EEF1G: variants seen among roughly 807,000 people sequenced by gnomAD.
EEF1G encodes elongation factor 1-gamma.
In EEF1G, 14 loss-of-function variants were observed where a neutral mutation model predicts 58.3. The ratio of observed to expected loss-of-function variants is 0.24; its 90% confidence interval spans 0.16 to 0.38. The LOEUF (loss-of-function observed/expected upper bound fraction) is 0.38, where lower values mean the gene tolerates loss of function less well. Ranked by LOEUF, EEF1G falls within the 10% of genes least tolerant of loss-of-function variation. The pLI is 1.00. For synonymous variants in EEF1G, 180 were observed against 206.8 expected, an observed-to-expected ratio of 0.87 and a Z score of 1.11; for missense variants, 322 against 550.1, an observed-to-expected ratio of 0.59 and a Z score of 4.15.
intron 7 of EEF1G, among the ~76,000 whole-genome samples, chr11:62,563,304 T>G (rs1267799768): frequency 1.3e-5 from 2 of 151,914 alleles, no homozygotes; most frequent in African/African-American, 4.8e-5. Context: ...TTTTTTGTAC[T>G]TTTTGTATTT....
In EEF1G at chr11:62,564,333, C is replaced by T. The variant is rs1436496218; in HGVS notation, c.857+2473G>A. ...CAAAAATTAGCCAGGCATGGTGGCA[C>T]GCACCTGCAATCCCCAGCTACTCGG... On this transcript the variant is annotated intron_variant, in intron 7 of 9. Transcript: ENST00000329251. Among the ~76,000 whole-genome samples the T allele has an allele frequency of 1.4e-4, 19 of 136,720 alleles. 1 individual carries two copies. Among genetic ancestry groups the T allele is most frequent in the Middle Eastern group, 3.5e-3 (1 of 286 alleles). 89.7% of individuals were successfully genotyped at this position (136,720 alleles called of 152,430 possible). A position where few individuals can be genotyped will look rare whatever the true frequency, so the allele number is the denominator to read the frequency against.
intron 5 of EEF1G, among the ~76,000 whole-genome samples, chr11:62,567,879 C>T (rs1292981281): frequency 6.6e-6 from 1 of 151,736 alleles, no homozygotes; most frequent in Non-Finnish European, 1.5e-5. Context: ...GCCACCACAC[C>T]CAGCTAATTT....
intron 7 of EEF1G, among the ~76,000 whole-genome samples, chr11:62,562,611 A>G (rs1057027478): frequency 1.3e-5 from 2 of 151,896 alleles, no homozygotes; most frequent in African/African-American, 4.8e-5. Context: ...CCTCCCAAGT[A>G]GTGGGATTAC....
chr11:62,564,084 A>G (rs1941528911), intron 7 of EEF1G, among the ~76,000 whole-genome samples: 1 of 152,212 alleles, frequency 6.6e-6, no homozygotes, highest in East Asian at 1.9e-4. Flanking sequence ...ACTGCAGTTG[A>G]CCTAGCTGGG....
chr11:62,570,336 A>G (rs1045511407), intron 5 of EEF1G, among the ~76,000 whole-genome samples: 7 of 152,114 alleles, frequency 4.6e-5, no homozygotes, highest in Non-Finnish European at 1.0e-4. Context: ...TGCTGGGATT[A>G]TAGGTGTTAG....
intron 5 of EEF1G, among the ~76,000 whole-genome samples, chr11:62,568,687 C>A (rs921168890): frequency 6.6e-6 from 1 of 151,896 alleles, no homozygotes; most frequent in Non-Finnish European, 1.5e-5. Context: ...AAATTTCAAA[C>A]GTCGGCCAGG....
chr11:62,570,248 G>C (rs1326528984), intron 5 of EEF1G, among the ~76,000 whole-genome samples: 1 of 152,002 alleles, frequency 6.6e-6, no homozygotes, highest in Non-Finnish European at 1.5e-5. Flanking sequence ...TTTTAATAGA[G>C]ACAGGGTTTC....
rs529293193 is a variant in EEF1G at position 62,565,853 on chromosome 11, C to T, written c.857+953G>A. On this transcript the variant is annotated intron_variant, in intron 7 of 9. Transcript: ENST00000329251. ...AGTGCAATGCTTGTAATTCACAATT[C>T]TATGCACAGCTACTGTGTCCCTACC... is the stretch of plus-strand genomic sequence containing the variant. 3.9e-5 allele frequency among the ~76,000 whole-genome samples: 6 copies of T among 152,300 alleles called. No individual in the cohort carries two copies. In the East Asian group the frequency reaches 1.2e-3, roughly 29 times the overall value.
At chr11:62,567,322 C>T in intron 6 of EEF1G, 77 bp downstream of exon 6, 1 of 1,507,498 alleles carries the variant, frequency 6.6e-7, no homozygotes. Flanking sequence ...AAAAGCAAGA[C>T]AGGAAATCAA....
chr11:62,567,616 C>T (rs1941572316), intron 5 of EEF1G, 88 bp from the exon 6 acceptor site: 2 of 1,326,898 alleles, frequency 1.5e-6, no homozygotes, highest in African/African-American at 3.0e-5. Context: ...TACCTAAGTC[C>T]CAGTGCTCAC....
At chr11:62,569,766 C>G (rs1941604344) in intron 5 of EEF1G, among the ~76,000 whole-genome samples, 1 of 152,184 alleles carries the variant, frequency 6.6e-6, no homozygotes, top group Non-Finnish European at 1.5e-5. Flanking sequence ...CTAAGATGAT[C>G]CCCATGAGGC....
In EEF1G at chr11:62,567,404, A is replaced by G; in HGVS notation, c.647T>C (p.Phe216Ser). ...EVKLCEKMAQ[F>S]DAKKFAETQP... Reference sequence around the variant, plus strand: ...CCCAGTCTCCTCAGACTCACCATCAAACTGGGCCATCTTCTCACACAGTTT... The same window carrying G: ...CCCAGTCTCCTCAGACTCACCATCAGACTGGGCCATCTTCTCACACAGTTT... The change falls in exon 6 of 10, where the codon TTT (phenylalanine) becomes TCT (serine). Residue 216 changes from phenylalanine to serine, a missense_variant. Phe to Ser is a radical substitution (Grantham distance 155). Transcript: ENST00000329251. 1 of 1,611,378 alleles carries G rather than the reference A, an allele frequency of 6.2e-7. No homozygotes were observed. The highest frequency in any genetic ancestry group is 8.5e-7 in the Non-Finnish European group (1 of 1,178,618).
chr11:62,563,418 G>A (rs1342202021), intron 7 of EEF1G, among the ~76,000 whole-genome samples: 1 of 152,148 alleles, frequency 6.6e-6, no homozygotes, highest in Non-Finnish European at 1.5e-5. Flanking sequence ...TCACAGGCGT[G>A]AGCCACCGCG....
chr11:62,571,777 T>G, intron 3 of EEF1G, 61 bp downstream of exon 3: 1 of 1,564,676 alleles, frequency 6.4e-7, no homozygotes, highest in Non-Finnish European at 8.7e-7. Flanking sequence ...CCGCTCACAC[T>G]TATCCTCTCC....
In EEF1G at chr11:62,573,822, C is replaced by T; in HGVS notation, c.12+9G>A. ...GGATGACCCGAACCACCAGAGCCAG[C>T]AAACTTACCCCAGCCGCCATGGTGA... On this transcript the variant is annotated intron_variant, in intron 1 of 9. Coordinates refer to ENST00000329251, the MANE Select transcript of EEF1G (RefSeq NM_001404.5). 6.2e-7 allele frequency: 1 copy of T among 1,613,726 alleles called. No individual in the cohort carries two copies. Among genetic ancestry groups the T allele is most frequent in the Non-Finnish European group, 8.5e-7 (1 of 1,179,830 alleles).
chr11:62,568,841 C>T (rs1224785819), intron 5 of EEF1G, among the ~76,000 whole-genome samples: 2 of 151,984 alleles, frequency 1.3e-5, no homozygotes, highest in Non-Finnish European at 2.9e-5. Context: ...GGCATGGTTG[C>T]ACATGCCCGT....
In EEF1G at chr11:62,559,775, G is replaced by A. The variant is rs777007816; in HGVS notation, c.1218C>T (p.Ser406=). Residue 406 remains serine (S), a synonymous_variant, in exon 10 of 10, where the codon AGC becomes AGT. Transcript: ENST00000329251. ...CTCGAACCAGCGTCTGGGTCTCCTC[G>A]CTGCCAGGATCCAGTTTCCGCCATG... ...SYTWRKLDPG[S]EETQTLVREY... The A allele has an allele frequency of 9.3e-6, 15 of 1,613,892 alleles. No homozygotes were observed. In the East Asian group the frequency reaches 1.1e-4, roughly 12 times the overall value.
chr11:62,567,749 G>A (rs58041319), intron 5 of EEF1G, among the ~76,000 whole-genome samples: 6 of 148,824 alleles, frequency 4.0e-5, no homozygotes, highest in Admixed American at 3.4e-4. Flanking sequence ...CTATCGCTCA[G>A]GCTGGGGTGC....
chr11:62,560,982 T>A (rs1941487538), intron 7 of EEF1G, among the ~76,000 whole-genome samples: 1 of 152,268 alleles, frequency 6.6e-6, no homozygotes. Context: ...GGTTTTCCGA[T>A]GCTGGAAAGC....
Sources: allele counts gnomAD v4.1 joint callset (sites outside exome capture counted in the v4.1 genomes callset), GRCh38; gene constraint gnomAD v4.1.1; transcripts MANE v1.5; gene names NCBI Gene and HGNC (gene_info 2026-07-23, HGNC 2026-07-21).